The following EYS variants were observed in gnomAD, a reference collection of about 807,000 sequenced individuals.
The protein encoded by EYS is EGF-like photoreceptor maintenance factor, also known as protein eyes shut homolog.
Under a neutral mutation model 282.1 loss-of-function variants are expected in EYS, and 250 were observed. That is an observed-to-expected ratio of 0.89 (90% CI 0.80 to 0.98). The LOEUF (loss-of-function observed/expected upper bound fraction) is 0.98, where lower values mean the gene tolerates loss of function less well. EYS is among the 50% of genes least tolerant of loss of function. EYS has a pLI of 0.00. For missense variants in EYS, 4,016 were observed against 3,709.0 expected (o/e 1.08, Z -2.15); for synonymous variants, 1,355 against 1,282.9 (o/e 1.06, Z -1.20).
intron 31 of EYS, among the ~76,000 whole-genome samples, chr6:64,088,246 A>T (rs1344540305): frequency 6.6e-6 from 1 of 152,046 alleles, no homozygotes; most frequent in Non-Finnish European, 1.5e-5. Context: ...ATTTGAACAC[A>T]CTCCAAATTT....
chr6:64,678,482 A>C (rs1442978315), intron 22 of EYS, among the ~76,000 whole-genome samples: 1 of 151,994 alleles, frequency 6.6e-6, no homozygotes, highest in Non-Finnish European at 1.5e-5. Flanking sequence ...GGAGGCTGAG[A>C]CAGGAGAATC....
At chr6:65,663,866 C>CTTTT (rs66999581) in intron 1 of EYS, among the ~76,000 whole-genome samples, 9 of 75,886 alleles carry the variant, frequency 1.2e-4, no homozygotes, top group East Asian at 3.9e-4. Flanking sequence ...TTTTTCTTTT[C>CTTTT]TTTTTTTTTT....
intron 11 of EYS, among the ~76,000 whole-genome samples, chr6:65,334,506 G>C (rs1049877096): frequency 1.3e-5 from 2 of 151,818 alleles, no homozygotes; most frequent in Admixed American, 1.3e-4. Flanking sequence ...TTGGCCTCAA[G>C]CTATTCTCTT....
intron 12 of EYS, among the ~76,000 whole-genome samples, chr6:65,112,531 A>G (rs978519729): frequency 2.0e-5 from 3 of 152,184 alleles, no homozygotes; most frequent in Non-Finnish European, 2.9e-5. Context: ...CTGAATAGGA[A>G]AAAGATCTAC....
intron 39 of EYS, among the ~76,000 whole-genome samples, chr6:63,779,907 C>G (rs1649127700): frequency 6.6e-6 from 1 of 152,080 alleles, no homozygotes; most frequent in Admixed American, 6.5e-5. Context: ...CTCCCCCGAC[C>G]CCATGACAGG....
At chr6:64,363,096 GGGA>G (rs1772070763) in intron 29 of EYS, among the ~76,000 whole-genome samples, 1 of 151,412 alleles carries the variant, frequency 6.6e-6, no homozygotes, top group Admixed American at 6.6e-5. Context: ...CAGAAGAGCT[GGGA>G]CCACAGGTGT....
At chr6:64,040,895 T>C (rs1043110116) in intron 33 of EYS, among the ~76,000 whole-genome samples, 4 of 152,138 alleles carry the variant, frequency 2.6e-5, no homozygotes, top group Non-Finnish European at 5.9e-5. Context: ...AGGGCACTGG[T>C]ATAAGGGGGA....
chr6:65,446,883 A>G (rs1434828228), intron 5 of EYS, among the ~76,000 whole-genome samples: 2 of 151,770 alleles, frequency 1.3e-5, no homozygotes, highest in African/African-American at 4.8e-5. Flanking sequence ...TAATTCTTAA[A>G]ACTTTATGAG....
chr6:64,653,730 ATT>A (rs10680654), intron 22 of EYS, among the ~76,000 whole-genome samples: 2 of 136,902 alleles, frequency 1.5e-5, no homozygotes, highest in Non-Finnish European at 1.6e-5. Flanking sequence ...ATGCCCAGCT[ATT>A]TTTTTTTTTT....
At chr6:64,788,552 A>T (rs1321677751) in intron 22 of EYS, among the ~76,000 whole-genome samples, 1 of 152,156 alleles carries the variant, frequency 6.6e-6, no homozygotes, top group Non-Finnish European at 1.5e-5. Flanking sequence ...TAGAGGGGAT[A>T]ACAGTGCTTG....
chr6:65,636,233 G>C (rs1262346301), intron 2 of EYS, among the ~76,000 whole-genome samples: 1 of 152,174 alleles, frequency 6.6e-6, no homozygotes, highest in Non-Finnish European at 1.5e-5. Flanking sequence ...TTCTTAAACA[G>C]AAGCGAAAAT....
At chr6:64,891,048 G>A (rs1370876010) in intron 18 of EYS, among the ~76,000 whole-genome samples, 1 of 151,884 alleles carries the variant, frequency 6.6e-6, no homozygotes, top group African/African-American at 2.4e-5. Flanking sequence ...AACCACAGAT[G>A]CCTGTTCAAC....
chr6:63,861,444 ATAGTT>A (rs762186877), intron 36 of EYS, among the ~76,000 whole-genome samples: 3 of 152,214 alleles, frequency 2.0e-5, no homozygotes, highest in Non-Finnish European at 4.4e-5. Context: ...TACCATCAGA[ATAGTT>A]TAAACAGATA....
intron 12 of EYS, among the ~76,000 whole-genome samples, chr6:65,085,214 T>C (rs1774332348): frequency 6.6e-6 from 1 of 152,144 alleles, no homozygotes; most frequent in African/African-American, 2.4e-5. Context: ...ACCTTTAATA[T>C]TAATCTTTTA....
At chr6:64,807,203 C>T (rs1270985011) in intron 22 of EYS, among the ~76,000 whole-genome samples, 3 of 152,046 alleles carry the variant, frequency 2.0e-5, no homozygotes, top group African/African-American at 7.2e-5. Flanking sequence ...TGATATCTGA[C>T]TATAAATATT....
intron 5 of EYS, among the ~76,000 whole-genome samples, chr6:65,482,212 TTATA>T (rs199534419): frequency 0.011 from 1,639 of 152,274 alleles, 24 homozygotes; most frequent in African/African-American, 0.037. Flanking sequence ...TAGAATAAGC[TTATA>T]TAAACACCTG....
chr6:64,816,200 C>G (rs1764738349), intron 21 of EYS, among the ~76,000 whole-genome samples: 1 of 152,078 alleles, frequency 6.6e-6, no homozygotes, highest in South Asian at 2.1e-4. Context: ...CCTACTAAGT[C>G]CCTACCATTC....
intron 22 of EYS, among the ~76,000 whole-genome samples, chr6:64,631,883 G>GA (rs1286372983): frequency 0.027 from 4,074 of 151,770 alleles, 192 homozygotes; most frequent in African/African-American, 0.093. Flanking sequence ...ATTTAAATGA[G>GA]ACTTAATTCA....
At chr6:64,243,554 G>A (rs114545335) in intron 30 of EYS, among the ~76,000 whole-genome samples, 505 of 152,222 alleles carry the variant, frequency 3.3e-3, no homozygotes, top group African/African-American at 0.011. Flanking sequence ...AGGAAGCATC[G>A]AAAATCTTCA....
Sources: gnomAD v4.1 joint callset for allele counts (sites outside exome capture counted in the v4.1 genomes callset) on GRCh38, gnomAD v4.1.1 for gene constraint, MANE v1.5 for transcripts, NCBI Gene and HGNC (gene_info 2026-07-23, HGNC 2026-07-21) for gene names.